Variants in SDC1 observed in about 807,000 individuals in gnomAD.
SDC1 encodes the protein syndecan 1.
Under a neutral mutation model 29.7 loss-of-function variants are expected in SDC1, and 14 were observed. The observed-to-expected ratio is 0.47, with a 90% CI of 0.31 to 0.74. The LOEUF is 0.74. Among genes scored for constraint, SDC1 ranks in the 30% least tolerant of loss-of-function variants. The pLI is 0.05. For synonymous variants in SDC1, 204 were observed against 175.5 expected (o/e 1.16, Z -1.29); for missense variants, 406 against 400.3 (o/e 1.01, Z -0.12).
Position 20,218,508 on chromosome 2 carries a change from AC to A in SDC1, c.66+6293del, listed in dbSNP as rs907694510. Among the ~76,000 whole-genome samples the A allele has an allele frequency of 1.5e-4, 23 of 151,574 alleles. No individual in the cohort carries two copies. The East Asian group carries it at 4.1e-3, about 27-fold the overall frequency. ...TGCAGTGGCAACCTGTGCAGTAAGC[AC>A]CCCCCCACCACACACACAGACACAC... On this transcript the variant is annotated intron_variant, in intron 1 of 4. Coordinates refer to ENST00000254351, the MANE Select transcript of SDC1 (RefSeq NM_002997.5).
At chr2:20,225,209 C>A, upstream of SDC1, 1 of 187,452 alleles carries the variant, frequency 5.3e-6, no homozygotes, top group Non-Finnish European at 1.1e-5. Flanking sequence ...CCCAGCCACC[C>A]CTCCCGGCCC....
chr2:20,205,346 C>T lies in SDC1; in HGVS notation c.145G>A (p.Ala49Thr), dbSNP rs777273406. ...GGGGCCCCCATGACAACCTCACCTG[C>T]ACCTGAGCCGGAGAAGTTGTCAGAG... is the stretch of plus-strand genomic sequence containing the variant. ...DDSDNFSGSGAGALQDITLSQ... is the reference protein window; with the variant it reads ...DDSDNFSGSGTGALQDITLSQ... Residue 49 changes from alanine to threonine, a missense_variant, in exon 2 of 5, where the codon GCA (alanine) becomes ACA (threonine). Coordinates refer to ENST00000254351, the MANE Select transcript of SDC1 (RefSeq NM_002997.5). 1.9e-6 allele frequency: 3 copies of T among 1,613,678 alleles called. No homozygotes were observed. The highest frequency in any genetic ancestry group is 3.3e-5 in the Admixed American group (2 of 60,014).
chr2:20,204,106 G>A lies in SDC1; in HGVS notation c.334C>T (p.Pro112Ser). ...GEAVVLPEVEPGLTAREQEAT... is the reference protein window; with the variant it reads ...GEAVVLPEVESGLTAREQEAT... ...TCCTGCTCCCGGGCGGTGAGGCCAG[G>A]CTCCACTTCTGGCAGGACTACAGCC... The change falls in exon 3 of 5, where the codon CCT (proline) becomes TCT (serine). Residue 112 changes from proline (P) to serine (S), a missense_variant. Transcript: ENST00000254351. 6.2e-7 allele frequency: 1 copy of A among 1,607,922 alleles called. No homozygotes were observed. The highest frequency in any genetic ancestry group is 8.5e-7 in the Non-Finnish European group (1 of 1,179,796).
chr2:20,218,243 G>T (rs1404879307), intron 1 of SDC1, among the ~76,000 whole-genome samples: 2 of 152,198 alleles, frequency 1.3e-5, no homozygotes, highest in Non-Finnish European at 2.9e-5. Flanking sequence ...AACCAGGAAG[G>T]CCAGGTGACC....
chr2:20,225,078 G>T lies in SDC1; in HGVS notation c.-211C>A. On this transcript the variant is annotated 5_prime_UTR_variant, in exon 1 of 5. Coordinates refer to ENST00000254351, the MANE Select transcript of SDC1 (RefSeq NM_002997.5). ...GGATTCGGCCCGCACCTCTCCCGCC[G>T]AGCTCCGCCTTATAATAAACCCACA... 2.1e-6 allele frequency: 1 copy of T among 480,512 alleles called. No individual in the cohort carries two copies. Among genetic ancestry groups the T allele is most frequent in the Non-Finnish European group, 3.1e-6 (1 of 322,486 alleles). 29.8% of individuals were successfully genotyped at this position (480,512 alleles called of 1,614,324 possible). A position where few individuals can be genotyped will look rare whatever the true frequency, so the allele number is the denominator to read the frequency against.
At chr2:20,208,635 G>A (rs1677362910) in intron 1 of SDC1, among the ~76,000 whole-genome samples, 1 of 152,160 alleles carries the variant, frequency 6.6e-6, no homozygotes, top group Admixed American at 6.5e-5. Context: ...CCTTTAGCAG[G>A]CCTGCTGTGC....
At chr2:20,208,648 A>T (rs1360364193) in intron 1 of SDC1, among the ~76,000 whole-genome samples, 1 of 152,186 alleles carries the variant, frequency 6.6e-6, no homozygotes, top group Non-Finnish European at 1.5e-5. Flanking sequence ...TGCTGTGCTG[A>T]CAGCCGGCAG....
rs932544127 is a variant in SDC1, at chr2:20,203,287, T to C, written c.628-65A>G. 2.6e-6 allele frequency: 4 copies of C among 1,533,332 alleles called. No individual in the cohort carries two copies. The African/African-American group carries it at 5.5e-5, about 21-fold the overall frequency. 95.0% of individuals were successfully genotyped at this position (1,533,332 alleles called of 1,614,324 possible). A position where few individuals can be genotyped will look rare whatever the true frequency, so the allele number is the denominator to read the frequency against. On this transcript the variant is annotated intron_variant, in intron 3 of 4. Transcript: ENST00000254351. ...CGCCAGCAGCAGCAACCAGCTCCAC[T>C]ACAAGACCCAGAAGCAGCTCCTGCC...
At chr2:20,210,896 G>A (rs995712088) in intron 1 of SDC1, among the ~76,000 whole-genome samples, 18 of 151,696 alleles carry the variant, frequency 1.2e-4, no homozygotes, top group Middle Eastern at 3.4e-3. Context: ...AATGGCAAAT[G>A]TCCTCAGGAG....
chr2:20,205,367 CAG>C lies in SDC1; in HGVS notation c.122_123del (p.Ser41Ter). On this transcript the variant is annotated frameshift_variant, in exon 2 of 5. Coordinates refer to ENST00000254351, the MANE Select transcript of SDC1 (RefSeq NM_002997.5). LOFTEE classifies it high-confidence loss of function. Reference sequence around the variant, plus strand: ...CCTGCACCTGAGCCGGAGAAGTTGTCAGAGTCATCCCCAGAGCCATCTTGATC... The same window carrying C: ...CCTGCACCTGAGCCGGAGAAGTTGTCAGTCATCCCCAGAGCCATCTTGATC... ...PEDQDGSGDD[S>X]DNFSGSGAGA... is the part of the protein sequence containing the mutation. 1 of 1,614,026 alleles carries C rather than the reference CAG, an allele frequency of 6.2e-7. No individual in the cohort carries two copies. Among genetic ancestry groups the C allele is most frequent in the Non-Finnish European group, 8.5e-7 (1 of 1,179,974 alleles).
In SDC1 at chr2:20,205,357, G is replaced by A; in HGVS notation, c.134C>T (p.Ser45Phe). Residue 45 changes from serine to phenylalanine, a missense_variant, in exon 2 of 5, where the codon TCC (serine) becomes TTC (phenylalanine). Coordinates refer to ENST00000254351, the MANE Select transcript of SDC1 (RefSeq NM_002997.5). ...DGSGDDSDNF[S>F]GSGAGALQDI... The stretch of plus-strand genomic sequence containing the variant: ...GACAACCTCACCTGCACCTGAGCCG[G>A]AGAAGTTGTCAGAGTCATCCCCAGA... 6.2e-7 allele frequency: 1 copy of A among 1,613,944 alleles called. No individual in the cohort carries two copies. Among genetic ancestry groups the A allele is most frequent in the Non-Finnish European group, 8.5e-7 (1 of 1,179,936 alleles).
intron 1 of SDC1, among the ~76,000 whole-genome samples, 180 bp from the exon 2 acceptor site, chr2:20,205,604 C>A (rs1401103650): frequency 1.3e-5 from 2 of 152,160 alleles, no homozygotes; most frequent in South Asian, 2.1e-4. Flanking sequence ...GTCCCCAGGC[C>A]CCATCCCCTG....
Position 20,223,360 on chromosome 2 carries a change from G to C in SDC1, c.66+1442C>G. ...ACGCTTACGGAGGGTCAGCGCTGCT[G>C]AGACTTGTCCAGATGCCACATTAGC... is the stretch of plus-strand genomic sequence containing the variant. On this transcript the variant is annotated intron_variant, in intron 1 of 4. Transcript: ENST00000254351. 3 of 1,181,732 alleles carry C rather than the reference G, an allele frequency of 2.5e-6. No homozygotes were observed. The South Asian group carries it at 3.8e-5, about 15-fold the overall frequency. The allele number at this position is 1,181,732 out of a possible 1,614,324, so 73.2% of individuals were successfully genotyped here. A position where few individuals can be genotyped will look rare whatever the true frequency, so the allele number is the denominator to read the frequency against.
rs1572461618 is a variant in SDC1, at chr2:20,205,375, T to C, written c.116A>G (p.Asp39Gly). 6.2e-7 allele frequency: 1 copy of C among 1,614,024 alleles called. No homozygotes were observed. The highest frequency in any genetic ancestry group is 8.5e-7 in the Non-Finnish European group (1 of 1,179,974). ...LPPEDQDGSG[D>G]DSDNFSGSGA... is the part of the protein sequence containing the mutation. ...TGAGCCGGAGAAGTTGTCAGAGTCATCCCCAGAGCCATCTTGATCTTCAGG... is the reference window on the plus strand; with the variant it reads ...TGAGCCGGAGAAGTTGTCAGAGTCACCCCCAGAGCCATCTTGATCTTCAGG... The change falls in exon 2 of 5, where the codon GAT becomes GGT. Residue 39 changes from aspartate to glycine, a missense_variant. Coordinates refer to ENST00000254351, the MANE Select transcript of SDC1 (RefSeq NM_002997.5).
At chr2:20,220,673 T>C (rs974316860) in intron 1 of SDC1, among the ~76,000 whole-genome samples, 5 of 152,222 alleles carry the variant, frequency 3.3e-5, no homozygotes, top group Non-Finnish European at 7.3e-5. Flanking sequence ...ACAGGTATCA[T>C]GATGTCCGCT....
chr2:20,212,614 G>A (rs561874728), intron 1 of SDC1, among the ~76,000 whole-genome samples: 5 of 152,310 alleles, frequency 3.3e-5, no homozygotes, highest in Admixed American at 6.5e-5. Context: ...CAGCATTTCC[G>A]GTGACAGGCA....
At chr2:20,223,436 G>C in intron 1 of SDC1, 1 of 441,074 alleles carries the variant, frequency 2.3e-6, no homozygotes. Flanking sequence ...CTGCCCACGT[G>C]CCTCCCTTTG....
At chr2:20,222,088 AACACACAC>A (rs3044220) in intron 1 of SDC1, among the ~76,000 whole-genome samples, 8,917 of 151,048 alleles carry the variant, frequency 0.059, 357 homozygotes, top group African/African-American at 0.12. Flanking sequence ...GACCACAGTA[AACACACAC>A]ACACACACAC....
At chr2:20,205,150 G>A (rs1311061025) in intron 2 of SDC1, among the ~76,000 whole-genome samples, 193 bp downstream of exon 2, 1 of 152,228 alleles carries the variant, frequency 6.6e-6, no homozygotes, top group Non-Finnish European at 1.5e-5. Flanking sequence ...CCGAGCATGA[G>A]CTCTCCTTAA....
Sources: gnomAD v4.1 joint callset for allele counts (sites outside exome capture counted in the v4.1 genomes callset) on GRCh38, gnomAD v4.1.1 for gene constraint, MANE v1.5 for transcripts, NCBI Gene and HGNC (gene_info 2026-07-23, HGNC 2026-07-21) for gene names.